The following LYZL1 variants were observed in gnomAD, a reference collection of about 807,000 sequenced individuals.
LYZL1 encodes the protein lysozyme-like protein 1.
LYZL1 carries 16 observed loss-of-function variants against 17.9 expected under a neutral mutation model. The ratio of observed to expected loss-of-function variants is 0.90; its 90% CI spans 0.61 to 1.36. LYZL1 has a LOEUF of 1.36. LYZL1 is among the 40% of genes most tolerant of loss of function. The pLI is 0.00. For missense variants in LYZL1, 149 were observed against 188.4 expected (o/e 0.79, Z 1.22); for synonymous variants, 58 against 71.8 (o/e 0.81, Z 0.97).
At chr10:29,313,098 C>A (rs569320880), downstream of LYZL1, among the ~76,000 whole-genome samples, 3 of 152,130 alleles carry the variant, frequency 2.0e-5, no homozygotes, top group Non-Finnish European at 4.4e-5. Context: ...GAACGCCTAA[C>A]CGCTACTTGC....
At chr10:29,302,795 C>G (rs1835538627) in intron 3 of LYZL1, among the ~76,000 whole-genome samples, 1 of 152,192 alleles carries the variant, frequency 6.6e-6, no homozygotes, top group African/African-American at 2.4e-5. Flanking sequence ...TCCTTGCCTA[C>G]CTATCCTGCC....
intron 3 of LYZL1, among the ~76,000 whole-genome samples, chr10:29,302,062 T>G (rs1276408273): frequency 1.3e-5 from 2 of 152,256 alleles, no homozygotes; most frequent in African/African-American, 4.8e-5. Context: ...TAAGCATGTT[T>G]ATAAGAAGTG....
chr10:29,300,249 A>T (rs1316201354), intron 3 of LYZL1, among the ~76,000 whole-genome samples: 1 of 152,138 alleles, frequency 6.6e-6, no homozygotes, highest in Non-Finnish European at 1.5e-5. Context: ...ATTAAAAAAA[A>T]AATTATTATT....
chr10:29,299,181 C>T (rs1280266917), intron 3 of LYZL1, among the ~76,000 whole-genome samples: 1 of 152,148 alleles, frequency 6.6e-6, no homozygotes, highest in Non-Finnish European at 1.5e-5. Context: ...GGTAATGCAA[C>T]CAATGGCAAG....
At chr10:29,299,896 TA>T (rs2132823630) in intron 3 of LYZL1, among the ~76,000 whole-genome samples, 1 of 152,334 alleles carries the variant, frequency 6.6e-6, no homozygotes, top group South Asian at 2.1e-4. Context: ...TGCTTTTCAG[TA>T]GGAGTGATTA....
intron 3 of LYZL1, among the ~76,000 whole-genome samples, chr10:29,293,629 A>G (rs1396395330): frequency 6.6e-6 from 1 of 152,166 alleles, no homozygotes; most frequent in Non-Finnish European, 1.5e-5. Flanking sequence ...AAATCATGTA[A>G]GGAGGAGTGC....
chr10:29,309,094 C>T (rs1263938478), intron 3 of LYZL1, among the ~76,000 whole-genome samples: 3 of 152,010 alleles, frequency 2.0e-5, no homozygotes, highest in Non-Finnish European at 2.9e-5. Context: ...TTTGGGAGGC[C>T]GAGGTGGGTG....
intron 3 of LYZL1, among the ~76,000 whole-genome samples, chr10:29,303,199 C>T (rs1456335902): frequency 6.6e-6 from 1 of 152,220 alleles, no homozygotes; most frequent in Non-Finnish European, 1.5e-5. Context: ...TGCTGCTCTT[C>T]TTCTGGGTAG....
chr10:29,292,422 C>T (rs1258097055), intron 2 of LYZL1, 97 bp from the exon 3 acceptor site: 7 of 1,529,614 alleles, frequency 4.6e-6, no homozygotes, highest in East Asian at 2.3e-5. Flanking sequence ...TGGGAGGAAG[C>T]AGTCAGGTAA....
chr10:29,290,824 G>A (rs1026179772), intron 1 of LYZL1, among the ~76,000 whole-genome samples: 6 of 149,324 alleles, frequency 4.0e-5, no homozygotes, highest in African/African-American at 1.5e-4. Context: ...GGACAACAGA[G>A]TGAGATTCCA....
At chr10:29,309,969 G>A in intron 3 of LYZL1, 141 bp from the exon 4 acceptor site, 1 of 596,774 alleles carries the variant, frequency 1.7e-6, no homozygotes, top group South Asian at 2.7e-5. Flanking sequence ...ATGAAAATAA[G>A]ATTGTGGCTT....
chr10:29,306,536 C>T lies in LYZL1; in HGVS notation c.299-3574C>T, dbSNP rs1334009486. On this transcript the variant is annotated intron_variant, in intron 3 of 4. Transcript: ENST00000649382. ...CTGCACTCCAGCCTGGGCGACAGAGCGAGACTCCGTCTCAAAAAAAAAAAA... is the reference window on the plus strand; with the variant it reads ...CTGCACTCCAGCCTGGGCGACAGAGTGAGACTCCGTCTCAAAAAAAAAAAA... Among the ~76,000 whole-genome samples the T allele has an allele frequency of 2.8e-4, 24 of 86,064 alleles. No homozygotes were observed. The Admixed American group carries it at 3.4e-3, about 12-fold the overall frequency. The allele number at this position is 86,064 out of a possible 152,430, so 56.5% of individuals were successfully genotyped here. A position where few individuals can be genotyped will look rare whatever the true frequency, so the allele number is the denominator to read the frequency against.
intron 3 of LYZL1, among the ~76,000 whole-genome samples, chr10:29,303,055 G>C (rs1442464058): frequency 6.6e-6 from 1 of 152,144 alleles, no homozygotes; most frequent in Non-Finnish European, 1.5e-5. Context: ...GAAATCAAAT[G>C]TCTTCCAGCC....
downstream of LYZL1, among the ~76,000 whole-genome samples, chr10:29,311,500 T>A (rs2132839118): frequency 6.6e-6 from 1 of 152,200 alleles, no homozygotes; most frequent in East Asian, 1.9e-4. Flanking sequence ...AGAAGGACCG[T>A]CTATGCATGC....
At chr10:29,311,427 T>C (rs567561738), downstream of LYZL1, among the ~76,000 whole-genome samples, 2 of 152,120 alleles carry the variant, frequency 1.3e-5, no homozygotes, top group Admixed American at 1.3e-4. Context: ...ACAGGACACA[T>C]GCAGAAGGGT....
At position 29,292,121 on chromosome 10, in the gene LYZL1, C is replaced by G. The variant is rs573455513; in HGVS notation, c.139+115C>G. On this transcript the variant is annotated intron_variant, in intron 2 of 4. Transcript: ENST00000649382. ...CCAACTACCCCTGCTCTGCCCTCAC[C>G]GCACTCAGGGGTGGCTGCTAGCCTA... The G allele has an allele frequency of 7.1e-5, 100 of 1,399,206 alleles. 5 individuals carry two copies. The African/African-American group carries it at 1.1e-3, about 16-fold the overall frequency. The allele number at this position is 1,399,206 out of a possible 1,614,324, so 86.7% of individuals were successfully genotyped here.
chr10:29,292,409 T>C (rs969279984), intron 2 of LYZL1, 110 bp from the exon 3 acceptor site: 2 of 1,464,480 alleles, frequency 1.4e-6, no homozygotes, highest in South Asian at 1.3e-5. Flanking sequence ...GCCCAAGGTG[T>C]ATTGGGAGGA....
At chr10:29,315,313 C>T (rs1835716938), downstream of LYZL1, among the ~76,000 whole-genome samples, 1 of 151,904 alleles carries the variant, frequency 6.6e-6, no homozygotes, top group Non-Finnish European at 1.5e-5. Context: ...AGTTCGAGAC[C>T]ATCCTGCCCA....
At chr10:29,289,715 G>A (rs1001398148) in intron 1 of LYZL1, among the ~76,000 whole-genome samples, 1 of 152,090 alleles carries the variant, frequency 6.6e-6, no homozygotes, top group Non-Finnish European at 1.5e-5. Flanking sequence ...CACCATGCCT[G>A]GCCTTAGCTC....
Sources: gnomAD v4.1 joint callset for allele counts (sites outside exome capture counted in the v4.1 genomes callset) on GRCh38, gnomAD v4.1.1 for gene constraint, MANE v1.5 for transcripts, NCBI Gene and HGNC (gene_info 2026-07-23, HGNC 2026-07-21) for gene names.